CTNNBL1: variants seen among roughly 807,000 people sequenced by gnomAD.
CTNNBL1 encodes beta-catenin-like protein 1.
CTNNBL1 carries 31 observed loss-of-function variants against 72.7 expected under a neutral mutation model. That is an observed-to-expected ratio of 0.43 (90% CI 0.32 to 0.58). The LOEUF (loss-of-function observed/expected upper bound fraction) is 0.58, where lower values mean the gene tolerates loss of function less well. Ranked by LOEUF, CTNNBL1 falls within the 20% of genes least tolerant of loss-of-function variation. The pLI is 0.08. For synonymous variants in CTNNBL1, 240 were observed against 267.3 expected, an observed-to-expected ratio of 0.90 and a Z score of 1.00; for missense variants, 534 against 725.1, an observed-to-expected ratio of 0.74 and a Z score of 3.03.
intron 1 of CTNNBL1, among the ~76,000 whole-genome samples, chr20:37,696,435 CTTTTTTTTTTTTTTT>C (rs57358123): frequency 3.3e-5 from 3 of 89,590 alleles, no homozygotes; most frequent in East Asian, 3.6e-4. Flanking sequence ...TGTACAATAT[CTTTTTTTTTTTTTTT>C]TTTTTTTTTT....
At chr20:37,734,502 A>T (rs1382680759) in intron 2 of CTNNBL1, among the ~76,000 whole-genome samples, 2 of 152,180 alleles carry the variant, frequency 1.3e-5, no homozygotes, top group African/African-American at 2.4e-5. Flanking sequence ...GAGGATTAGG[A>T]TAGTAGCTGT....
At chr20:37,822,252 C>A (rs980444769) in intron 11 of CTNNBL1, among the ~76,000 whole-genome samples, 1 of 152,158 alleles carries the variant, frequency 6.6e-6, no homozygotes, top group East Asian at 1.9e-4. Flanking sequence ...CTTCCCTGAA[C>A]AGAGAAGATG....
intron 1 of CTNNBL1, among the ~76,000 whole-genome samples, chr20:37,729,954 G>A (rs78962071): frequency 0.016 from 2,362 of 152,154 alleles, 53 homozygotes; most frequent in African/African-American, 0.055. Flanking sequence ...GTGTTCATAC[G>A]AAATTATCAT....
At chr20:37,822,406 C>A (rs538327034) in intron 11 of CTNNBL1, among the ~76,000 whole-genome samples, 1 of 152,284 alleles carries the variant, frequency 6.6e-6, no homozygotes, top group Non-Finnish European at 1.5e-5. Context: ...CTGGAGAGCT[C>A]TTTCCTTGGG....
chr20:37,830,222 G>T (rs1434555284), intron 11 of CTNNBL1, among the ~76,000 whole-genome samples: 2 of 151,872 alleles, frequency 1.3e-5, no homozygotes, highest in African/African-American at 4.8e-5. Context: ...TATATGAATG[G>T]TATATATTAT....
chr20:37,827,264 G>T (rs1210337389), intron 11 of CTNNBL1, among the ~76,000 whole-genome samples: 1 of 152,168 alleles, frequency 6.6e-6, no homozygotes, highest in African/African-American at 2.4e-5. Context: ...GAACAGGGCT[G>T]CTATAAACAT....
chr20:37,806,903 A>G (rs983790491), intron 11 of CTNNBL1, among the ~76,000 whole-genome samples: 12 of 152,202 alleles, frequency 7.9e-5, no homozygotes, highest in African/African-American at 2.7e-4. Context: ...GGGAGTTGCT[A>G]TGCCAGCTGA....
At chr20:37,857,440 A>G (rs569694128) in intron 13 of CTNNBL1, among the ~76,000 whole-genome samples, 1 of 152,364 alleles carries the variant, frequency 6.6e-6, no homozygotes, top group African/African-American at 2.4e-5. Context: ...GATAAGTCAC[A>G]GGAGTCTCCT....
Position 37,776,598 on chromosome 20 carries a change from G to A in CTNNBL1, c.751-747G>A, listed in dbSNP as rs1054365816. Among the ~76,000 whole-genome samples, 7 of 152,168 alleles carry A rather than the reference G, an allele frequency of 4.6e-5. No individual in the cohort carries two copies. The South Asian group carries it at 6.2e-4, about 14-fold the overall frequency. On this transcript the variant is annotated intron_variant, in intron 7 of 15. Coordinates refer to ENST00000361383, the MANE Select transcript of CTNNBL1 (RefSeq NM_030877.5). ...CCTCTCTATGCACCTTTATCCAGGG[G>A]GCAGTGATAATGGTGAGATATTTAA... is the stretch of plus-strand genomic sequence containing the variant.
In CTNNBL1 at chr20:37,702,274, T is replaced by A. The variant is rs6012860; in HGVS notation, c.30+8122T>A. 4.5e-3 allele frequency among the ~76,000 whole-genome samples: 688 copies of A among 152,370 alleles called. 8 individuals carry two copies. The highest frequency in any genetic ancestry group is 0.017 in the East Asian group (89 of 5,184). On this transcript the variant is annotated intron_variant, in intron 1 of 15. Transcript: ENST00000361383. ...TAAATACTAGTTCAAGGTTGCTTTATTAAGCATTATTTTCTTCTTGTGTGA... is the reference window on the plus strand; with the variant it reads ...TAAATACTAGTTCAAGGTTGCTTTAATAAGCATTATTTTCTTCTTGTGTGA...
intron 1 of CTNNBL1, among the ~76,000 whole-genome samples, chr20:37,730,651 A>G (rs1241688914): frequency 2.0e-5 from 3 of 152,224 alleles, no homozygotes; most frequent in Admixed American, 1.3e-4. Context: ...ATGGAAAACA[A>G]CAGTAAGACC....
At chr20:37,780,402 A>G (rs1406617213) in intron 10 of CTNNBL1, among the ~76,000 whole-genome samples, 1 of 152,218 alleles carries the variant, frequency 6.6e-6, no homozygotes, top group Non-Finnish European at 1.5e-5. Flanking sequence ...CCACAAAGTT[A>G]GGAAAACAGT....
At chr20:37,699,731 G>A (rs6020286) in intron 1 of CTNNBL1, among the ~76,000 whole-genome samples, 12 of 152,268 alleles carry the variant, frequency 7.9e-5, no homozygotes, top group African/African-American at 2.2e-4. Context: ...TCAGTCTCCT[G>A]TGGGACTTTA....
intron 3 of CTNNBL1, among the ~76,000 whole-genome samples, chr20:37,742,264 T>C (rs919403804): frequency 6.6e-6 from 1 of 152,240 alleles, no homozygotes; most frequent in African/African-American, 2.4e-5. Context: ...TATTGTCCTC[T>C]TTTAAGTACC....
At chr20:37,806,839 A>G (rs955422870) in intron 11 of CTNNBL1, among the ~76,000 whole-genome samples, 3 of 152,178 alleles carry the variant, frequency 2.0e-5, no homozygotes, top group African/African-American at 2.4e-5. Flanking sequence ...TTTGCCTGAT[A>G]TTGTTAGGGA....
intron 10 of CTNNBL1, among the ~76,000 whole-genome samples, chr20:37,790,194 C>A (rs568476879): frequency 7.9e-5 from 12 of 152,296 alleles, no homozygotes; most frequent in African/African-American, 2.6e-4. Context: ...GAGCTTGTGG[C>A]AAAGCATATA....
intron 7 of CTNNBL1, among the ~76,000 whole-genome samples, chr20:37,772,627 T>C (rs541180210): frequency 8.1e-4 from 124 of 152,270 alleles, no homozygotes; most frequent in African/African-American, 2.7e-3. Flanking sequence ...GGATTACAGG[T>C]GTAAGCCACT....
intron 5 of CTNNBL1, among the ~76,000 whole-genome samples, chr20:37,764,039 C>T (rs1568769520): frequency 1.3e-5 from 2 of 152,156 alleles, no homozygotes; most frequent in African/African-American, 4.8e-5. Context: ...AAGAGAGGAA[C>T]TGTGAATAAT....
chr20:37,832,082 A>T (rs147455823), intron 11 of CTNNBL1, among the ~76,000 whole-genome samples: 1 of 152,244 alleles, frequency 6.6e-6, no homozygotes, highest in African/African-American at 2.4e-5. Context: ...ATTTGGCTTT[A>T]TAGCCAGCGA....
Sources: allele counts gnomAD v4.1 joint callset (sites outside exome capture counted in the v4.1 genomes callset), GRCh38; gene constraint gnomAD v4.1.1; transcripts MANE v1.5; gene names NCBI Gene and HGNC (gene_info 2026-07-23, HGNC 2026-07-21).